PCDH15: variants seen among roughly 807,000 people sequenced by gnomAD.
PCDH15 encodes protocadherin-15.
In PCDH15, 129 loss-of-function variants were observed where a neutral mutation model predicts 178.5. The ratio of observed to expected loss-of-function variants is 0.72; its 90% CI spans 0.63 to 0.84. PCDH15 has a LOEUF of 0.84. Among genes scored for constraint, PCDH15 ranks in the 40% least tolerant of loss-of-function variants. The pLI, the probability that PCDH15 is intolerant of heterozygous loss-of-function variation, is 0.00. For missense variants in PCDH15, 2,230 were observed against 2,099.9 expected (o/e 1.06, Z -1.21); for synonymous variants, 800 against 732.0 (o/e 1.09, Z -1.50).
intron 10 of PCDH15, among the ~76,000 whole-genome samples, chr10:54,210,831 A>T (rs1292212615): frequency 1.3e-5 from 2 of 151,856 alleles, no homozygotes; most frequent in South Asian, 4.2e-4. Context: ...TAGGTCAGTG[A>T]GTAACAACAT....
rs2076987245 is a variant in PCDH15, at chr10:53,831,065, G to C, written c.4202+250C>G. 3 of 713,528 alleles carry C rather than the reference G, an allele frequency of 4.2e-6. No homozygotes were observed. In the Admixed American group the frequency reaches 5.3e-5, roughly 13 times the overall value. The allele number at this position is 713,528 out of a possible 1,614,324, so 44.2% of individuals were successfully genotyped here. On this transcript the variant is annotated intron_variant, in intron 30 of 37. Coordinates refer to ENST00000644397, the MANE Select transcript of PCDH15 (RefSeq NM_001384140.1). ...GCATAAACAAAGCCACAGGAACTAA[G>C]GTGATATTTCTATTGAAAGAGACCG...
intron 1 of PCDH15, among the ~76,000 whole-genome samples, chr10:55,278,131 G>C (rs1469937198): frequency 6.6e-6 from 1 of 152,062 alleles, no homozygotes; most frequent in Non-Finnish European, 1.5e-5. Context: ...ATATGCGGTT[G>C]AGATTGCATT....
At chr10:55,324,042 G>C (rs914402478), upstream of PCDH15, among the ~76,000 whole-genome samples, 1 of 152,002 alleles carries the variant, frequency 6.6e-6, no homozygotes, top group African/African-American at 2.4e-5. Context: ...TTTTCAAATG[G>C]GAGTTCCACT....
chr10:54,195,630 T>TG, intron 11 of PCDH15, 53 bp downstream of exon 11: 10 of 1,443,712 alleles, frequency 6.9e-6, no homozygotes, highest in Non-Finnish European at 9.7e-6. Context: ...TTCCCATTAA[T>TG]GGAAATATGA....
At chr10:53,920,795 A>C (rs1213775480) in intron 25 of PCDH15, among the ~76,000 whole-genome samples, 1 of 152,174 alleles carries the variant, frequency 6.6e-6, no homozygotes, top group Non-Finnish European at 1.5e-5. Context: ...CCTGAAATAA[A>C]ATAAGAATTT....
At chr10:54,335,140 A>G (rs1432221206) in intron 6 of PCDH15, among the ~76,000 whole-genome samples, 1 of 152,198 alleles carries the variant, frequency 6.6e-6, no homozygotes, top group Non-Finnish European at 1.5e-5. Flanking sequence ...GGACTAAGTA[A>G]GGCTATGCAA....
At chr10:54,869,142 A>G (rs1953990712) in intron 3 of PCDH15, 1 of 152,180 alleles carries the variant, frequency 6.6e-6, no homozygotes, top group African/African-American at 2.4e-5. Context: ...AACCACACCA[A>G]TGACTGAGGT....
intron 8 of PCDH15, among the ~76,000 whole-genome samples, chr10:54,274,175 T>A (rs528456100): frequency 7.3e-4 from 111 of 151,754 alleles, no homozygotes; most frequent in Admixed American, 2.4e-3. Context: ...ACAAAAAAAA[T>A]AACTAATGGT....
intron 17 of PCDH15, among the ~76,000 whole-genome samples, chr10:54,070,650 T>C (rs1565180681): frequency 6.6e-6 from 1 of 152,136 alleles, no homozygotes; most frequent in Non-Finnish European, 1.5e-5. Flanking sequence ...GAGTGCAGTA[T>C]GTGATCATAG....
intron 21 of PCDH15, among the ~76,000 whole-genome samples, chr10:53,990,603 T>C (rs1334468250): frequency 6.6e-6 from 1 of 150,768 alleles, no homozygotes; most frequent in African/African-American, 2.4e-5. Flanking sequence ...TATATACATA[T>C]ATATAAAAGA....
intron 23 of PCDH15, among the ~76,000 whole-genome samples, chr10:53,954,987 T>C (rs2087468759): frequency 6.6e-6 from 1 of 152,358 alleles, no homozygotes. Context: ...TTTAATGTGC[T>C]AGGTCTTCAC....
rs146980825 is a variant in PCDH15, at chr10:54,281,858, G to C, written c.876+35413C>G. 4.2e-3 allele frequency among the ~76,000 whole-genome samples: 645 copies of C among 152,090 alleles called. 8 individuals carry two copies. The highest frequency in any genetic ancestry group is 0.013 in the African/African-American group (533 of 41,522). On this transcript the variant is annotated intron_variant, in intron 8 of 37. Coordinates refer to ENST00000644397, the MANE Select transcript of PCDH15 (RefSeq NM_001384140.1). ...TAAAATTGTACATAACTATCAGGCT[G>C]TTAATTTGAGGTAATATTGCAGGCA...
intron 1 of PCDH15, among the ~76,000 whole-genome samples, chr10:54,752,726 C>A (rs112326338): frequency 6.6e-6 from 1 of 151,822 alleles, no homozygotes; most frequent in African/African-American, 2.4e-5. Flanking sequence ...ATAAAGCCAA[C>A]TGACAGGACC....
intron 2 of PCDH15, among the ~76,000 whole-genome samples, chr10:55,091,611 T>C (rs892191578): frequency 2.6e-5 from 4 of 151,940 alleles, no homozygotes; most frequent in African/African-American, 9.7e-5. Context: ...ATGTTTATTT[T>C]CCTACTTCTG....
intron 11 of PCDH15, chr10:54,189,335 C>A: frequency 6.4e-7 from 1 of 1,560,074 alleles, no homozygotes; most frequent in Middle Eastern, 1.7e-4. Flanking sequence ...AACAAAAGAA[C>A]AATCACAAGC....
intron 3 of PCDH15, among the ~76,000 whole-genome samples, chr10:54,837,313 C>T (rs561859416): frequency 3.3e-5 from 5 of 152,120 alleles, no homozygotes; most frequent in Non-Finnish European, 5.9e-5. Context: ...ACAATAAAAA[C>T]TAATGTAATT....
chr10:54,650,724 A>G (rs1249730297), intron 2 of PCDH15, among the ~76,000 whole-genome samples: 2 of 152,088 alleles, frequency 1.3e-5, no homozygotes, highest in African/African-American at 4.8e-5. Flanking sequence ...GCAGCAGACA[A>G]GGGAGAGAAT....
At chr10:55,020,383 C>CA (rs796225436) in intron 2 of PCDH15, among the ~76,000 whole-genome samples, 10,672 of 135,524 alleles carry the variant, frequency 0.079, 551 homozygotes, top group African/African-American at 0.15. Context: ...AATGAGAATG[C>CA]AAAAAAAAAA....
At chr10:54,441,602 C>T (rs2075792647) in intron 3 of PCDH15, among the ~76,000 whole-genome samples, 1 of 151,822 alleles carries the variant, frequency 6.6e-6, no homozygotes, top group Admixed American at 6.6e-5. Flanking sequence ...CAAATTGTGG[C>T]CACAGAATTC....
Sources: allele counts gnomAD v4.1 joint callset (sites outside exome capture counted in the v4.1 genomes callset), GRCh38; gene constraint gnomAD v4.1.1; transcripts MANE v1.5; gene names NCBI Gene and HGNC (gene_info 2026-07-23, HGNC 2026-07-21).